Variants in LIX1 observed in about 807,000 individuals in gnomAD.
LIX1 encodes the protein limb and CNS expressed 1.
A neutral mutation model predicts 33.4 loss-of-function variants in LIX1; 24 were observed. That is an observed-to-expected ratio of 0.72 (90% confidence interval 0.52 to 1.01). The LOEUF (loss-of-function observed/expected upper bound fraction) is 1.01, where lower values mean the gene tolerates loss of function less well. Among genes scored for constraint, LIX1 ranks in the 50% least tolerant of loss-of-function variants. The probability of loss-of-function intolerance (pLI) is 0.00; values close to 1 mark genes in which losing one functional copy is unlikely to be tolerated. For synonymous variants in LIX1, 124 were observed against 124.0 expected, an observed-to-expected ratio of 1.00 and a Z score of 0.00; for missense variants, 311 against 339.2, an observed-to-expected ratio of 0.92 and a Z score of 0.65.
intron 4 of LIX1, among the ~76,000 whole-genome samples, 195 bp downstream of exon 4, chr5:97,104,995 C>T (rs760044746): frequency 2.6e-5 from 4 of 152,118 alleles, no homozygotes; most frequent in Non-Finnish European, 5.9e-5. Flanking sequence ...TTCCTGATTG[C>T]GTGTTTGTTT....
chr5:97,106,108 G>A lies in LIX1; in HGVS notation c.388-823C>T, dbSNP rs1428444862. On this transcript the variant is annotated intron_variant, in intron 3 of 5. Coordinates refer to ENST00000274382, the MANE Select transcript of LIX1 (RefSeq NM_153234.5). ...CCAGAGGAAATCCATCTAGAAGCAT[G>A]CAACCATGTATATTCTGTTTCCTTA... Among the ~76,000 whole-genome samples, 3 of 152,320 alleles carry A rather than the reference G, an allele frequency of 2.0e-5. No homozygotes were observed. In the East Asian group the frequency reaches 5.8e-4, roughly 29 times the overall value.
intron 2 of LIX1, among the ~76,000 whole-genome samples, chr5:97,117,102 G>A (rs989770433): frequency 3.3e-5 from 5 of 152,236 alleles, no homozygotes; most frequent in African/African-American, 1.2e-4. Flanking sequence ...TCATGGGCAA[G>A]TCATTAAGAT....
At position 97,135,939 on chromosome 5, in the gene LIX1, A is replaced by C. The variant is rs146698309; in HGVS notation, c.82+6556T>G. ...CTTTGCTGATCAGTTCTTCTTAGTC[A>C]AAATGGTCAAATAAGTGTAAATGTG... On this transcript the variant is annotated intron_variant, in intron 1 of 5. Transcript: ENST00000274382. Among the ~76,000 whole-genome samples the C allele has an allele frequency of 1.7e-3, 266 of 152,360 alleles. 2 individuals carry two copies. The highest frequency in any genetic ancestry group is 6.0e-3 in the African/African-American group (250 of 41,586).
chr5:97,126,652 T>G (rs1337158184), intron 1 of LIX1, among the ~76,000 whole-genome samples: 1 of 148,688 alleles, frequency 6.7e-6, no homozygotes, highest in Non-Finnish European at 1.5e-5. Flanking sequence ...TTTTTTTTTT[T>G]TTTTTGAGAC....
At chr5:97,135,964 G>A (rs1748165125) in intron 1 of LIX1, among the ~76,000 whole-genome samples, 1 of 152,174 alleles carries the variant, frequency 6.6e-6, no homozygotes, top group Non-Finnish European at 1.5e-5. Context: ...GTGTAAATGT[G>A]GCTTTGTGTA....
chr5:97,131,452 C>T (rs1748055016), intron 1 of LIX1, among the ~76,000 whole-genome samples: 1 of 152,192 alleles, frequency 6.6e-6, no homozygotes, highest in African/African-American at 2.4e-5. Flanking sequence ...CACTTAATCT[C>T]CTATAAACCA....
At chr5:97,103,081 G>A (rs1012025909) in intron 4 of LIX1, 1 of 452,456 alleles carries the variant, frequency 2.2e-6, no homozygotes, top group South Asian at 1.6e-5. Context: ...TGGTAGAGCA[G>A]ACTTCACACA....
At chr5:97,107,996 GTC>G (rs1350309969) in intron 2 of LIX1, among the ~76,000 whole-genome samples, 2 of 152,148 alleles carry the variant, frequency 1.3e-5, no homozygotes, top group African/African-American at 4.8e-5. Context: ...AGGTTCATTA[GTC>G]TCTCTGCACC....
At chr5:97,106,192 T>A (rs1456243319) in intron 3 of LIX1, among the ~76,000 whole-genome samples, 1 of 152,252 alleles carries the variant, frequency 6.6e-6, no homozygotes, top group Non-Finnish European at 1.5e-5. Flanking sequence ...TCCCTGCTCC[T>A]GAGTAAATTT....
At chr5:97,127,403 T>G (rs1259729039) in intron 1 of LIX1, among the ~76,000 whole-genome samples, 1 of 152,212 alleles carries the variant, frequency 6.6e-6, no homozygotes, top group Non-Finnish European at 1.5e-5. Context: ...TTTTTCATTC[T>G]GCAATTTTGA....
chr5:97,117,794 A>AC (rs1198826045), intron 2 of LIX1, among the ~76,000 whole-genome samples: 1 of 152,188 alleles, frequency 6.6e-6, no homozygotes, highest in Non-Finnish European at 1.5e-5. Context: ...AAAAATCAAA[A>AC]CCCATCAAAT....
intron 1 of LIX1, among the ~76,000 whole-genome samples, chr5:97,129,669 G>A (rs112702353): frequency 0.015 from 2,358 of 152,158 alleles, 57 homozygotes; most frequent in African/African-American, 0.043. Flanking sequence ...GAGATACTCC[G>A]TAATATAATA....
At chr5:97,121,111 G>A (rs1747773157) in intron 2 of LIX1, among the ~76,000 whole-genome samples, 1 of 152,032 alleles carries the variant, frequency 6.6e-6, no homozygotes, top group African/African-American at 2.4e-5. Flanking sequence ...TCCCATTTCA[G>A]GGAGCTAATG....
Position 97,097,429 on chromosome 5 carries a change from T to TA in LIX1, c.484-543dup, listed in dbSNP as rs560032174. Among the ~76,000 whole-genome samples the TA allele has an allele frequency of 3.4e-3, 511 of 152,316 alleles. 3 individuals are homozygous for TA. The highest frequency in any genetic ancestry group is 0.012 in the African/African-American group (483 of 41,566). On this transcript the variant is annotated intron_variant, in intron 4 of 5. Coordinates refer to ENST00000274382, the MANE Select transcript of LIX1 (RefSeq NM_153234.5). The stretch of plus-strand genomic sequence containing the variant: ...ATAAAACAAGGTACACAACAGTGTG[T>TA]AATGTGTGCTACTATTTGCTTAAGA...
At position 97,105,115 on chromosome 5, in the gene LIX1, T is replaced by C. The variant is rs1746940625; in HGVS notation, c.483+75A>G. The C allele has an allele frequency of 5.5e-6, 7 of 1,268,032 alleles. No individual in the cohort carries two copies. The East Asian group carries it at 1.6e-4, about 29-fold the overall frequency. The allele number at this position is 1,268,032 out of a possible 1,614,324, so 78.5% of individuals were successfully genotyped here. On this transcript the variant is annotated intron_variant, in intron 4 of 5. Transcript: ENST00000274382. ...AAAAGATTATTGGGTCGGGAGATGT[T>C]AGTGATAAATGTTGCATTTCTCTTA...
chr5:97,122,574 T>G (rs965785446), intron 2 of LIX1, among the ~76,000 whole-genome samples: 1 of 152,248 alleles, frequency 6.6e-6, no homozygotes, highest in Non-Finnish European at 1.5e-5. Flanking sequence ...TTTTATTTTA[T>G]ATTCTAAGAG....
intron 2 of LIX1, among the ~76,000 whole-genome samples, chr5:97,123,246 C>T (rs1747829481): frequency 6.6e-6 from 1 of 152,212 alleles, no homozygotes; most frequent in Non-Finnish European, 1.5e-5. Context: ...CAACCCATAT[C>T]TCTTCCTTGA....
chr5:97,098,675 A>T (rs1368546182), intron 4 of LIX1, among the ~76,000 whole-genome samples: 1 of 152,158 alleles, frequency 6.6e-6, no homozygotes, highest in East Asian at 1.9e-4. Context: ...GATTGAGCCC[A>T]AGAGTTTGAG....
Position 97,094,572 on chromosome 5 carries a change from T to C in LIX1, c.*176A>G, listed in dbSNP as rs1746244757. ...ATAGAAAAATGCATCGAGTGGCTTGTTGGGTCTTGTAAGGGTCCTACGACT... is the reference window on the plus strand; with the variant it reads ...ATAGAAAAATGCATCGAGTGGCTTGCTGGGTCTTGTAAGGGTCCTACGACT... On this transcript the variant is annotated 3_prime_UTR_variant, in exon 6 of 6. Coordinates refer to ENST00000274382, the MANE Select transcript of LIX1 (RefSeq NM_153234.5). The C allele has an allele frequency of 3.5e-6, 2 of 576,132 alleles. No individual in the cohort carries two copies. Among genetic ancestry groups the C allele is most frequent in the Non-Finnish European group, 6.1e-6 (2 of 328,946 alleles). The allele number at this position is 576,132 out of a possible 1,614,324, so 35.7% of individuals were successfully genotyped here.
Sources: allele counts gnomAD v4.1 joint callset (sites outside exome capture counted in the v4.1 genomes callset), GRCh38; gene constraint gnomAD v4.1.1; transcripts MANE v1.5; gene names NCBI Gene and HGNC (gene_info 2026-07-23, HGNC 2026-07-21).